DGKD: variants seen among roughly 807,000 people sequenced by gnomAD.
DGKD encodes DAG kinase delta.
DGKD carries 68 observed loss-of-function variants against 154.4 expected under a neutral mutation model. The observed-to-expected ratio is 0.44, with a 90% confidence interval of 0.36 to 0.54. The LOEUF (loss-of-function observed/expected upper bound fraction) is 0.54. Ranked by LOEUF, DGKD falls within the 20% of genes least tolerant of loss-of-function variation. DGKD has a pLI of 0.00. For missense variants in DGKD, 1,343 were observed against 1,593.6 expected (o/e 0.84, Z 2.68); for synonymous variants, 693 against 638.0 (o/e 1.09, Z -1.30).
At chr2:233,413,824 C>CT (rs34257622) in intron 3 of DGKD, among the ~76,000 whole-genome samples, 1 of 152,234 alleles carries the variant, frequency 6.6e-6, no homozygotes, top group Non-Finnish European at 1.5e-5. Context: ...CACAGACCCT[C>CT]TGAGTCAGGG....
chr2:233,372,080 G>T (rs934590697), intron 1 of DGKD, among the ~76,000 whole-genome samples: 19 of 152,062 alleles, frequency 1.2e-4, no homozygotes, highest in Non-Finnish European at 2.9e-5. Context: ...GGAGTGCAGT[G>T]GTATGATCTC....
chr2:233,417,789 C>G (rs1224133268), intron 3 of DGKD, among the ~76,000 whole-genome samples: 1 of 152,090 alleles, frequency 6.6e-6, no homozygotes, highest in African/African-American at 2.4e-5. Context: ...GTGAGATTGG[C>G]CTGAAGAGGA....
chr2:233,469,573 C>A lies in DGKD; in HGVS notation c.*113C>A. On this transcript the variant is annotated 3_prime_UTR_variant, in exon 30 of 30. Transcript: ENST00000264057. ...CCACTGAGGCCCTGGGCAGATGCTGCAGCCCGCCCCCTTCTCATGGTGCTA... is the reference window on the plus strand; with the variant it reads ...CCACTGAGGCCCTGGGCAGATGCTGAAGCCCGCCCCCTTCTCATGGTGCTA... 1.2e-6 allele frequency: 1 copy of A among 859,270 alleles called. No individual in the cohort carries two copies. Among genetic ancestry groups the A allele is most frequent in the Non-Finnish European group, 1.8e-6 (1 of 546,220 alleles). The allele number at this position is 859,270 out of a possible 1,614,324, so 53.2% of individuals were successfully genotyped here. A position where few individuals can be genotyped will look rare whatever the true frequency, so the allele number is the denominator to read the frequency against.
rs2063845717 is a variant in DGKD at position 233,467,076 on chromosome 2, T to A, written c.3307-10T>A. On this transcript the variant is annotated splice_polypyrimidine_tract_variant and intron_variant, in intron 27 of 29. Transcript: ENST00000264057. ...GCCTGATTCTCAGTATTCCTCATTCTCCCCAACAGAGTGTGATGCTGGATC... is the reference window on the plus strand; with the variant it reads ...GCCTGATTCTCAGTATTCCTCATTCACCCCAACAGAGTGTGATGCTGGATC... 1 of 1,605,138 alleles carries A rather than the reference T, an allele frequency of 6.2e-7. No homozygotes were observed. The highest frequency in any genetic ancestry group is 1.3e-5 in the African/African-American group (1 of 74,820).
At chr2:233,460,020 TTAAGC>T in intron 23 of DGKD, 129 bp downstream of exon 23, 1 of 1,450,394 alleles carries the variant, frequency 6.9e-7, no homozygotes, top group Non-Finnish European at 9.1e-7. Context: ...GACACAATGA[TTAAGC>T]TAATAGGGCA....
rs374599565 is a variant in DGKD at position 233,390,476 on chromosome 2, G to A, written c.341G>A (p.Ser114Asn). ...TCCAGTACCAAAAACGTCAACAACA[G>A]TTTTACGGTAAGATTCCTCAGTCAT... ...AESSTKNVNN[S>N]FTVITPCRKL... The change falls in exon 3 of 30, where the codon AGT becomes AAT. Residue 114 changes from serine to asparagine, a missense_variant. By Grantham distance (46) the Ser-to-Asn change is conservative (BLOSUM62 1). Coordinates refer to ENST00000264057, the MANE Select transcript of DGKD (RefSeq NM_152879.3). 1.9e-6 allele frequency: 3 copies of A among 1,613,568 alleles called. No homozygotes were observed. Among genetic ancestry groups the A allele is most frequent in the Non-Finnish European group, 2.5e-6 (3 of 1,179,680 alleles).
In DGKD at chr2:233,451,198, A is replaced by G. The variant is rs186469979; in HGVS notation, c.2167+148A>G. 1.2e-4 allele frequency: 112 copies of G among 906,106 alleles called. 2 individuals are homozygous for G. The East Asian group carries it at 3.0e-3, about 24-fold the overall frequency. 56.1% of individuals were successfully genotyped at this position (906,106 alleles called of 1,614,324 possible). A position where few individuals can be genotyped will look rare whatever the true frequency, so the allele number is the denominator to read the frequency against. ...ATTGAAAAATTTACACGACTGTATGAAAAGTGCTTTTTTTTTTTTTTTAAA... is the reference window on the plus strand; with the variant it reads ...ATTGAAAAATTTACACGACTGTATGGAAAGTGCTTTTTTTTTTTTTTTAAA... On this transcript the variant is annotated intron_variant, in intron 17 of 29. Coordinates refer to ENST00000264057, the MANE Select transcript of DGKD (RefSeq NM_152879.3).
In DGKD at chr2:233,438,752, T is replaced by TGTC. The variant is rs2062787537; in HGVS notation, c.1085+373_1085+374insGTC. 4.2e-4 allele frequency among the ~76,000 whole-genome samples: 35 copies of TGTC among 83,344 alleles called. 1 individual carries two copies. 54.7% of individuals were successfully genotyped at this position (83,344 alleles called of 152,430 possible). Reference sequence around the variant, plus strand: ...ATAATTTTTTATTTATCTGTCTATCTATCATCTATCTATCTATCTATCTAT... The same window carrying TGTC: ...ATAATTTTTTATTTATCTGTCTATCTGTCATCATCTATCTATCTATCTATCTAT... On this transcript the variant is annotated intron_variant, in intron 9 of 29. Coordinates refer to ENST00000264057, the MANE Select transcript of DGKD (RefSeq NM_152879.3). The surrounding 1 kb of genome is among the most constrained non-coding windows in gnomAD (Gnocchi z 4.1).
At chr2:233,399,460 G>A (rs188520728) in intron 3 of DGKD, among the ~76,000 whole-genome samples, 309 of 152,340 alleles carry the variant, frequency 2.0e-3, no homozygotes, top group African/African-American at 7.2e-3. Flanking sequence ...CAGCAGCCAC[G>A]GCAGGGCTGG....
chr2:233,456,816 G>A lies in DGKD; in HGVS notation c.2376-83G>A. ...GTAGCTGATTTGTGGGTCAGATGCT[G>A]TTCCCAGCTTTCACAGAAATGACTC... is the stretch of plus-strand genomic sequence containing the variant. On this transcript the variant is annotated intron_variant, in intron 19 of 29. Coordinates refer to ENST00000264057, the MANE Select transcript of DGKD (RefSeq NM_152879.3). The A allele has an allele frequency of 6.7e-6, 7 of 1,044,430 alleles. No individual in the cohort carries two copies. In the East Asian group the frequency reaches 1.2e-4, roughly 18 times the overall value. 64.7% of individuals were successfully genotyped at this position (1,044,430 alleles called of 1,614,324 possible). A position where few individuals can be genotyped will look rare whatever the true frequency, so the allele number is the denominator to read the frequency against.
intron 27 of DGKD, 138 bp from the exon 28 acceptor site, chr2:233,466,948 C>T (rs2063841368): frequency 1.5e-6 from 1 of 688,168 alleles, no homozygotes; most frequent in Non-Finnish European, 2.6e-6. Context: ...GGAGAGAAGC[C>T]CTTTCAGGCA....
intron 18 of DGKD, 41 bp from the exon 19 acceptor site, chr2:233,454,722 C>T: frequency 2.4e-6 from 3 of 1,238,616 alleles, no homozygotes; most frequent in Admixed American, 1.7e-5. Flanking sequence ...TAAGACTGCT[C>T]AGCAGGGCTG....
intron 3 of DGKD, among the ~76,000 whole-genome samples, chr2:233,417,259 C>T (rs1210001181): frequency 1.3e-5 from 2 of 152,202 alleles, no homozygotes; most frequent in Non-Finnish European, 2.9e-5. Flanking sequence ...TCTTGAACTC[C>T]TGATCTCAGG....
intron 3 of DGKD, 44 bp downstream of exon 3, chr2:233,390,527 T>A: frequency 6.7e-7 from 1 of 1,502,952 alleles, no homozygotes; most frequent in Non-Finnish European, 9.3e-7. Context: ...TCACTGAAGT[T>A]GGCTTTCCTT....
chr2:233,468,281 T>G, intron 28 of DGKD, 142 bp from the exon 29 acceptor site: 1 of 963,420 alleles, frequency 1.0e-6, no homozygotes, highest in Non-Finnish European at 1.5e-6. Context: ...AGGCGCTGGC[T>G]GCTGCTGGGC....
In DGKD at chr2:233,438,676, C is replaced by T. The variant is rs1452180529; in HGVS notation, c.1085+297C>T. On this transcript the variant is annotated intron_variant, in intron 9 of 29. Coordinates refer to ENST00000264057, the MANE Select transcript of DGKD (RefSeq NM_152879.3). This position sits in a 1 kb window ranked among gnomAD's most constrained non-coding sequence, Gnocchi z 4.1. Reference sequence around the variant, plus strand: ...TTCTTTACCTGCCGTTGCACAAATGCCTTCTGTATGTGTCTGCATACAACG... The same window carrying T: ...TTCTTTACCTGCCGTTGCACAAATGTCTTCTGTATGTGTCTGCATACAACG... Among the ~76,000 whole-genome samples the T allele has an allele frequency of 2.0e-5, 3 of 152,190 alleles. No homozygotes were observed. The highest frequency in any genetic ancestry group is 2.9e-5 in the Non-Finnish European group (2 of 68,034).
At chr2:233,463,275 C>T (rs1049523908) in intron 26 of DGKD, among the ~76,000 whole-genome samples, 7 of 152,080 alleles carry the variant, frequency 4.6e-5, no homozygotes, top group African/African-American at 1.4e-4. Context: ...CCTCACTGCA[C>T]GCGTCTCCTC....
At chr2:233,380,783 G>A (rs1159288358) in intron 1 of DGKD, among the ~76,000 whole-genome samples, 2 of 152,122 alleles carry the variant, frequency 1.3e-5, no homozygotes, top group Admixed American at 1.3e-4. Flanking sequence ...ACCTGGAGCC[G>A]CTCTCCTGGG....
At chr2:233,388,456 A>G in intron 2 of DGKD, 89 bp downstream of exon 2, 1 of 1,289,564 alleles carries the variant, frequency 7.8e-7, no homozygotes, top group Non-Finnish European at 1.1e-6. Flanking sequence ...TTGTGTGGGA[A>G]AAGCTTCAAT....
Sources: allele counts gnomAD v4.1 joint callset (sites outside exome capture counted in the v4.1 genomes callset), GRCh38; gene constraint gnomAD v4.1.1; non-coding constraint Gnocchi (gnomAD v3.1); transcripts MANE v1.5; gene names NCBI Gene and HGNC (gene_info 2026-07-23, HGNC 2026-07-21).